Variants in PTPRT observed in about 807,000 individuals in gnomAD.
The protein encoded by PTPRT is protein tyrosine phosphatase receptor type T, also known as receptor-type tyrosine-protein phosphatase T.
PTPRT carries 56 observed loss-of-function variants against 176.8 expected under a neutral mutation model. That is an observed-to-expected ratio of 0.32 (90% CI 0.26 to 0.40). The LOEUF (loss-of-function observed/expected upper bound fraction) is 0.40. PTPRT is among the 10% of genes least tolerant of loss of function. PTPRT has a pLI of 1.00. For synonymous variants in PTPRT, 783 were observed against 739.0 expected, an observed-to-expected ratio of 1.06 and a Z score of -0.96; for missense variants, 1,540 against 1,908.2, an observed-to-expected ratio of 0.81 and a Z score of 3.60.
chr20:43,083,320 G>GTGTGTATATATATA (rs1299320498), intron 1 of PTPRT, among the ~76,000 whole-genome samples: 1 of 37,386 alleles, frequency 2.7e-5, no homozygotes, highest in East Asian at 5.8e-4. Context: ...CACTTCAAAT[G>GTGTGTATATATATA]TATATATATA....
chr20:43,137,309 T>C (rs142815072), intron 1 of PTPRT, among the ~76,000 whole-genome samples: 1 of 152,322 alleles, frequency 6.6e-6, no homozygotes, highest in Non-Finnish European at 1.5e-5. Flanking sequence ...TTACAGCCTG[T>C]GGGCCAGATC....
chr20:42,947,797 G>A (rs550416048), intron 1 of PTPRT, among the ~76,000 whole-genome samples: 5 of 151,856 alleles, frequency 3.3e-5, no homozygotes, highest in African/African-American at 4.8e-5. Context: ...CAGGACTCCC[G>A]GAAATTGTCT....
At position 42,481,795 on chromosome 20, in the gene PTPRT, CACACACACA is replaced by C. The variant is rs2071389986; in HGVS notation, c.1154-9242_1154-9234del. On this transcript the variant is annotated intron_variant, in intron 7 of 30. Transcript: ENST00000373187. Reference sequence around the variant, plus strand: ...ACACACAAACACACACACACACACACACACACACACGCGCGCATGTATATATATGGTTAT... The same window carrying C: ...ACACACAAACACACACACACACACACCGCGCGCATGTATATATATGGTTAT... 4.0e-5 allele frequency among the ~76,000 whole-genome samples: 6 copies of C among 150,560 alleles called. No individual in the cohort carries two copies. The South Asian group carries it at 6.3e-4, about 16-fold the overall frequency.
At chr20:42,243,022 G>GGAGGCA (rs976542458) in intron 14 of PTPRT, among the ~76,000 whole-genome samples, 1 of 148,526 alleles carries the variant, frequency 6.7e-6, no homozygotes, top group Non-Finnish European at 1.5e-5. Context: ...TGGAGGAAGA[G>GGAGGCA]GAGGCAGAGG....
chr20:42,953,138 G>T (rs554200205), intron 1 of PTPRT, among the ~76,000 whole-genome samples: 1 of 152,218 alleles, frequency 6.6e-6, no homozygotes, highest in South Asian at 2.1e-4. Context: ...TTCTGAGGGT[G>T]GAGGAAAGGA....
chr20:42,981,988 A>C (rs1284807320), intron 1 of PTPRT, among the ~76,000 whole-genome samples: 1 of 152,178 alleles, frequency 6.6e-6, no homozygotes, highest in Non-Finnish European at 1.5e-5. Context: ...AACTAGACCG[A>C]GGGAAGAAGA....
intron 5 of PTPRT, among the ~76,000 whole-genome samples, chr20:42,763,463 T>TA (rs574383259): frequency 2.7e-4 from 40 of 150,884 alleles, no homozygotes; most frequent in South Asian, 4.2e-4. Context: ...ATCAAAATAA[T>TA]AAAAAAAAAT....
At chr20:42,499,684 T>A (rs567136557) in intron 7 of PTPRT, among the ~76,000 whole-genome samples, 12 of 152,238 alleles carry the variant, frequency 7.9e-5, no homozygotes, top group African/African-American at 2.9e-4. Context: ...TACTTAAAAA[T>A]TTTTTGATTT....
intron 6 of PTPRT, among the ~76,000 whole-genome samples, chr20:42,702,194 CAG>C (rs1015189547): frequency 1.3e-5 from 2 of 152,146 alleles, no homozygotes; most frequent in African/African-American, 4.8e-5. Context: ...GAACTTTGAA[CAG>C]AGTGTTCTTT....
chr20:42,963,002 T>C (rs1246796024), intron 1 of PTPRT, among the ~76,000 whole-genome samples: 1 of 151,760 alleles, frequency 6.6e-6, no homozygotes, highest in African/African-American at 2.4e-5. Context: ...ATCGAGACCA[T>C]CCTGGCTAAC....
chr20:42,092,932 G>T (rs754050557), intron 27 of PTPRT, among the ~76,000 whole-genome samples: 7 of 152,162 alleles, frequency 4.6e-5, no homozygotes, highest in Non-Finnish European at 7.3e-5. Context: ...CACAGTGGGA[G>T]CCCCAGAACA....
intron 17 of PTPRT, 75 bp from the exon 18 acceptor site, chr20:42,142,077 C>A: frequency 1.6e-6 from 2 of 1,235,436 alleles, no homozygotes; most frequent in South Asian, 2.4e-5. Flanking sequence ...ACCAACAGGG[C>A]AAAGTAAGAC....
chr20:42,276,865 CT>C (rs1243983516), intron 13 of PTPRT, among the ~76,000 whole-genome samples: 1 of 151,950 alleles, frequency 6.6e-6, no homozygotes, highest in Non-Finnish European at 1.5e-5. Flanking sequence ...CACATCACTC[CT>C]CCTCTGGGCC....
At chr20:42,252,797 A>T (rs968158540) in intron 13 of PTPRT, among the ~76,000 whole-genome samples, 21 of 152,352 alleles carry the variant, frequency 1.4e-4, no homozygotes, top group African/African-American at 4.6e-4. Context: ...GGCTGTCTGA[A>T]AGTCCAGAGC....
intron 16 of PTPRT, among the ~76,000 whole-genome samples, chr20:42,162,463 C>T (rs1021811378): frequency 2.6e-5 from 4 of 152,152 alleles, no homozygotes; most frequent in African/African-American, 7.2e-5. Context: ...TCCCCTTGGA[C>T]GACTAGAACC....
At chr20:42,052,974 T>C in the PTPRT span, among the ~76,000 whole-genome samples, 1 of 152,216 alleles carries the variant, frequency 6.6e-6, no homozygotes, top group African/African-American at 2.4e-5. Flanking sequence ...TTTCGAGTCA[T>C]AGGGTCTCTG....
intron 11 of PTPRT, among the ~76,000 whole-genome samples, chr20:42,318,346 G>A (rs957763192): frequency 6.6e-6 from 1 of 152,292 alleles, no homozygotes; most frequent in African/African-American, 2.4e-5. Context: ...CAGAAGTGGA[G>A]GGGTGTTTGT....
At position 42,472,590 on chromosome 20, in the gene PTPRT, G is replaced by A. The variant is rs558774989; in HGVS notation, c.1154-28C>T. On this transcript the variant is annotated intron_variant, in intron 7 of 30. Coordinates refer to ENST00000373187, the MANE Select transcript of PTPRT (RefSeq NM_007050.6). Reference sequence around the variant, plus strand: ...GCAAAACATGCAGGCAAGAAACAAGGGTTCTGAAGAGACCATCGGGAAGCT... The same window carrying A: ...GCAAAACATGCAGGCAAGAAACAAGAGTTCTGAAGAGACCATCGGGAAGCT... 1.5e-5 allele frequency: 24 copies of A among 1,603,062 alleles called. No homozygotes were observed. The East Asian group carries it at 1.6e-4, about 10-fold the overall frequency.
chr20:42,986,247 C>T (rs1983571551), intron 1 of PTPRT, among the ~76,000 whole-genome samples: 1 of 152,204 alleles, frequency 6.6e-6, no homozygotes, highest in Non-Finnish European at 1.5e-5. Flanking sequence ...TCTTCTGTAC[C>T]AGAATCATTT....
Sources: gnomAD v4.1 joint callset for allele counts (sites outside exome capture counted in the v4.1 genomes callset) on GRCh38, gnomAD v4.1.1 for gene constraint, MANE v1.5 for transcripts, NCBI Gene and HGNC (gene_info 2026-07-23, HGNC 2026-07-21) for gene names.